The following HMCN1 variants were observed in gnomAD, a reference collection of about 807,000 sequenced individuals.
The protein encoded by HMCN1 is hemicentin 1, also known as hemicentin-1.
HMCN1 carries 321 observed loss-of-function variants against 625.9 expected under a neutral mutation model. The observed-to-expected ratio is 0.51, with a 90% CI of 0.47 to 0.56. The LOEUF (loss-of-function observed/expected upper bound fraction) is 0.56. Ranked by LOEUF, HMCN1 falls within the 20% of genes least tolerant of loss-of-function variation. HMCN1 has a pLI of 0.00. For synonymous variants in HMCN1, 2,425 were observed against 2,417.6 expected, an observed-to-expected ratio of 1.00 and a Z score of -0.09; for missense variants, 6,588 against 6,887.3, an observed-to-expected ratio of 0.96 and a Z score of 1.54.
At chr1:185,963,162 C>T (rs150285566) in intron 12 of HMCN1, among the ~76,000 whole-genome samples, 65 of 152,226 alleles carry the variant, frequency 4.3e-4, no homozygotes, top group African/African-American at 1.5e-3. Context: ...ATTGAATCCA[C>T]TCATGCTCCT....
chr1:186,180,372 A>T (rs1357290882), intron 104 of HMCN1, among the ~76,000 whole-genome samples: 1 of 152,112 alleles, frequency 6.6e-6, no homozygotes, highest in Non-Finnish European at 1.5e-5. Flanking sequence ...CCCATTCTCA[A>T]CCTTCATTTT....
intron 46 of HMCN1, among the ~76,000 whole-genome samples, chr1:186,057,741 A>G (rs1425549352): frequency 6.6e-6 from 1 of 152,044 alleles, no homozygotes; most frequent in African/African-American, 2.4e-5. Flanking sequence ...TTCTACAGTG[A>G]ATCCTAGTAT....
At chr1:185,825,477 T>C (rs1048454091) in intron 1 of HMCN1, among the ~76,000 whole-genome samples, 3 of 152,152 alleles carry the variant, frequency 2.0e-5, no homozygotes, top group Admixed American at 2.0e-4. Flanking sequence ...GTGTCTGAAA[T>C]ATTGTGTGTC....
chr1:185,818,168 C>A (rs1264047564), intron 1 of HMCN1, among the ~76,000 whole-genome samples: 1 of 152,068 alleles, frequency 6.6e-6, no homozygotes, highest in Non-Finnish European at 1.5e-5. Flanking sequence ...ACATAATTTT[C>A]TTTGCTTTCA....
chr1:185,926,701 AG>A (rs1667294908), intron 9 of HMCN1, among the ~76,000 whole-genome samples: 1 of 152,184 alleles, frequency 6.6e-6, no homozygotes, highest in Non-Finnish European at 1.5e-5. Context: ...GAGTGATGAT[AG>A]ACTGATACCC....
chr1:186,138,048 T>C, intron 89 of HMCN1, 76 bp downstream of exon 89: 1 of 1,495,832 alleles, frequency 6.7e-7, no homozygotes, highest in Non-Finnish European at 9.2e-7. Flanking sequence ...ACATTTGCCT[T>C]TTCTTCTTCA....
At chr1:186,114,305 G>A (rs532096591) in intron 73 of HMCN1, among the ~76,000 whole-genome samples, 182 bp downstream of exon 73, 15 of 152,216 alleles carry the variant, frequency 9.9e-5, no homozygotes, top group African/African-American at 3.4e-4. Context: ...TGCCCAGGCT[G>A]GAGTGCAGTG....
intron 1 of HMCN1, among the ~76,000 whole-genome samples, chr1:185,811,524 A>T (rs550322380): frequency 3.8e-4 from 58 of 152,172 alleles, no homozygotes; most frequent in Non-Finnish European, 6.0e-4. Context: ...GCTTAGGCAC[A>T]GGAAGTTGAG....
chr1:185,736,268 A>C (rs1293765974), intron 1 of HMCN1, among the ~76,000 whole-genome samples: 1 of 152,176 alleles, frequency 6.6e-6, no homozygotes, highest in Non-Finnish European at 1.5e-5. Flanking sequence ...ACACACACAT[A>C]CACATACATA....
chr1:186,030,104 A>AT (rs1332749539), intron 36 of HMCN1, among the ~76,000 whole-genome samples: 4 of 152,096 alleles, frequency 2.6e-5, no homozygotes, highest in Non-Finnish European at 4.4e-5. Flanking sequence ...TTTTAAATGT[A>AT]TCAAGAGTTG....
intron 11 of HMCN1, among the ~76,000 whole-genome samples, chr1:185,951,012 CT>C (rs1196352212): frequency 6.6e-6 from 1 of 151,322 alleles, no homozygotes; most frequent in African/African-American, 2.4e-5. Context: ...AGGCTTTAAT[CT>C]TTTTAAAGCG....
chr1:186,048,582 C>G (rs1293995148), intron 41 of HMCN1, among the ~76,000 whole-genome samples, 161 bp from the exon 42 acceptor site: 2 of 151,950 alleles, frequency 1.3e-5, no homozygotes, highest in Non-Finnish European at 2.9e-5. Context: ...TGTGTTGAAA[C>G]TGGGTGATGG....
chr1:186,101,428 C>T (rs1388813269), intron 68 of HMCN1, among the ~76,000 whole-genome samples: 2 of 151,956 alleles, frequency 1.3e-5, no homozygotes, highest in African/African-American at 4.8e-5. Flanking sequence ...AGTCTGAATA[C>T]ATGTTGAGTT....
chr1:186,068,754 A>G (rs1452336509), intron 50 of HMCN1, among the ~76,000 whole-genome samples: 1 of 151,732 alleles, frequency 6.6e-6, no homozygotes, highest in African/African-American at 2.4e-5. Context: ...CTGTAGTCCC[A>G]GCTACTCGGG....
chr1:185,754,063 G>A (rs1654983354), intron 1 of HMCN1, among the ~76,000 whole-genome samples: 1 of 152,142 alleles, frequency 6.6e-6, no homozygotes, highest in Non-Finnish European at 1.5e-5. Flanking sequence ...TGGTATATGT[G>A]CGCTATGAAA....
At chr1:185,911,559 GA>G in intron 5 of HMCN1, 114 bp from the exon 6 acceptor site, 1 of 834,190 alleles carries the variant, frequency 1.2e-6, no homozygotes, top group South Asian at 1.3e-5. Flanking sequence ...GGTAAAAAAT[GA>G]GCCAGTGTTA....
At chr1:186,055,230 C>T (rs979273037) in intron 44 of HMCN1, among the ~76,000 whole-genome samples, 163 bp from the exon 45 acceptor site, 4 of 151,958 alleles carry the variant, frequency 2.6e-5, no homozygotes, top group East Asian at 1.9e-4. Context: ...AGAAGAATTC[C>T]GCCTCTCAGC....
Position 186,037,924 on chromosome 1 carries a change from C to T in HMCN1, c.5750-10C>T, listed in dbSNP as rs773661619. ...TATAAGAAATAATTATCTGTTTGGGCCTCTTGTAGAACCACCTAGTCTGGA... is the reference window on the plus strand; with the variant it reads ...TATAAGAAATAATTATCTGTTTGGGTCTCTTGTAGAACCACCTAGTCTGGA... On this transcript the variant is annotated splice_polypyrimidine_tract_variant and intron_variant, in intron 36 of 106. Transcript: ENST00000271588. 3 of 1,492,996 alleles carry T rather than the reference C, an allele frequency of 2.0e-6. No homozygotes were observed. Among genetic ancestry groups the T allele is most frequent in the Non-Finnish European group, 1.9e-6 (2 of 1,069,830 alleles). The allele number at this position is 1,492,996 out of a possible 1,614,324, so 92.5% of individuals were successfully genotyped here.
At chr1:186,063,067 C>CGTATATATATATATAT (rs1491268573) in intron 48 of HMCN1, among the ~76,000 whole-genome samples, 3 of 59,840 alleles carry the variant, frequency 5.0e-5, no homozygotes, top group East Asian at 6.0e-4. Context: ...TGTGTGTGTG[C>CGTATATATATATATAT]ATATATATAT....
Sources: allele counts gnomAD v4.1 joint callset (sites outside exome capture counted in the v4.1 genomes callset), GRCh38; gene constraint gnomAD v4.1.1; transcripts MANE v1.5; gene names NCBI Gene and HGNC (gene_info 2026-07-23, HGNC 2026-07-21).